Variants in SLC26A5 observed in about 807,000 individuals in gnomAD.
The protein encoded by SLC26A5 is prestin.
Under a neutral mutation model 81.0 loss-of-function variants are expected in SLC26A5, and 51 were observed. That is an observed-to-expected ratio of 0.63 (90% CI 0.50 to 0.80). The LOEUF (loss-of-function observed/expected upper bound fraction) is 0.80, where lower values mean the gene tolerates loss of function less well. SLC26A5 is among the 30% of genes least tolerant of loss of function. The probability of loss-of-function intolerance (pLI) is 0.00; values close to 1 mark genes in which losing one functional copy is unlikely to be tolerated. For missense variants in SLC26A5, 771 were observed against 905.8 expected (o/e 0.85, Z 1.91); for synonymous variants, 325 against 332.8 (o/e 0.98, Z 0.25).
chr7:103,432,600 T>G (rs1826160694), intron 2 of SLC26A5, among the ~76,000 whole-genome samples: 1 of 152,220 alleles, frequency 6.6e-6, no homozygotes, highest in Admixed American at 6.5e-5. Context: ...CCCTTTTGTT[T>G]TCAATTCTCT....
intron 14 of SLC26A5, among the ~76,000 whole-genome samples, chr7:103,381,636 G>T (rs902894648): frequency 1.4e-5 from 2 of 146,128 alleles, no homozygotes; most frequent in South Asian, 2.2e-4. Flanking sequence ...CCACACATGC[G>T]TACATACCAC....
At chr7:103,379,730 G>A (rs1821635071) in intron 15 of SLC26A5, among the ~76,000 whole-genome samples, 1 of 152,122 alleles carries the variant, frequency 6.6e-6, no homozygotes, top group Admixed American at 6.6e-5. Context: ...CAAATAAAGT[G>A]AACAGAAGTT....
At chr7:103,430,066 G>C (rs1046527356) in intron 2 of SLC26A5, among the ~76,000 whole-genome samples, 15 of 147,114 alleles carry the variant, frequency 1.0e-4, no homozygotes, top group African/African-American at 3.9e-4. Context: ...TTTGAAGGCT[G>C]GAAATGGCAC....
chr7:103,378,685 T>A lies in SLC26A5; in HGVS notation c.1678-132A>T. ...TATCACCCCAACCCTTGCACTGCCT[T>A]TCCCTCAGAGGCCCTGAACTGGTTA... On this transcript the variant is annotated intron_variant, in intron 16 of 19. Transcript: ENST00000306312. 3 of 797,858 alleles carry A rather than the reference T, an allele frequency of 3.8e-6. No homozygotes were observed. In the South Asian group the frequency reaches 4.2e-5, roughly 11 times the overall value. 49.4% of individuals were successfully genotyped at this position (797,858 alleles called of 1,614,324 possible).
At chr7:103,392,819 C>T (rs568984419) in intron 10 of SLC26A5, 100 bp downstream of exon 10, 26 of 1,450,868 alleles carry the variant, frequency 1.8e-5, no homozygotes, top group Admixed American at 6.8e-5. Context: ...CCTCATGATC[C>T]GCCTGCCTTG....
intron 2 of SLC26A5, among the ~76,000 whole-genome samples, chr7:103,426,890 T>C (rs1387748113): frequency 2.0e-5 from 3 of 152,076 alleles, no homozygotes; most frequent in Admixed American, 2.0e-4. Flanking sequence ...ATTGTAAAAG[T>C]ACACAAATCC....
chr7:103,395,017 G>T (rs1012302228), intron 9 of SLC26A5, among the ~76,000 whole-genome samples: 5 of 152,214 alleles, frequency 3.3e-5, no homozygotes, highest in African/African-American at 1.2e-4. Flanking sequence ...TGTCAGACAC[G>T]TGAGTGAAGC....
At chr7:103,441,601 C>T (rs1015077430) in intron 2 of SLC26A5, among the ~76,000 whole-genome samples, 4 of 152,134 alleles carry the variant, frequency 2.6e-5, no homozygotes, top group South Asian at 2.1e-4. Flanking sequence ...ATGCTTATCC[C>T]CTGCTGACAC....
intron 8 of SLC26A5, among the ~76,000 whole-genome samples, chr7:103,405,943 C>T (rs1824012817): frequency 6.6e-6 from 1 of 152,122 alleles, no homozygotes; most frequent in Admixed American, 6.5e-5. Flanking sequence ...TGGAATCCAC[C>T]CAGTTGGACC....
intron 2 of SLC26A5, among the ~76,000 whole-genome samples, chr7:103,439,944 C>T (rs976819066): frequency 5.9e-5 from 9 of 152,306 alleles, no homozygotes; most frequent in Non-Finnish European, 8.8e-5. Context: ...CACCACCTTC[C>T]GGTCTATGCT....
intron 8 of SLC26A5, among the ~76,000 whole-genome samples, chr7:103,403,502 T>G (rs1823771622): frequency 6.6e-6 from 1 of 152,102 alleles, no homozygotes; most frequent in Non-Finnish European, 1.5e-5. Context: ...TGTGTGGGAG[T>G]CTAAGTCTCT....
chr7:103,435,648 A>C (rs1826394675), intron 2 of SLC26A5, among the ~76,000 whole-genome samples: 1 of 152,232 alleles, frequency 6.6e-6, no homozygotes, highest in Admixed American at 6.5e-5. Flanking sequence ...CTACTTCACT[A>C]TAACTAGTCC....
intron 19 of SLC26A5, among the ~76,000 whole-genome samples, chr7:103,375,168 AT>A (rs1237087034): frequency 2.7e-5 from 4 of 149,502 alleles, no homozygotes; most frequent in African/African-American, 9.8e-5. Context: ...TGTTATATAT[AT>A]ATATAAACTA....
chr7:103,405,285 G>T (rs1823950835), intron 8 of SLC26A5, among the ~76,000 whole-genome samples: 1 of 152,092 alleles, frequency 6.6e-6, no homozygotes, highest in Admixed American at 6.6e-5. Context: ...GGAATTTTCA[G>T]CTTTTTGCAT....
rs6975698 is a variant in SLC26A5, at chr7:103,436,349, C to T, written c.-54+6734G>A. 7.2e-3 allele frequency among the ~76,000 whole-genome samples: 1,099 copies of T among 152,114 alleles called. 11 individuals are homozygous for T. Among genetic ancestry groups the T allele is most frequent in the African/African-American group, 0.025 (1,053 of 41,490 alleles). On this transcript the variant is annotated intron_variant, in intron 2 of 19. Transcript: ENST00000306312. ...CAGCATTAAGTGAAAGGGGAATAGG[C>T]GAGTTTCTGGACTGATTTAACAAAA...
At chr7:103,415,191 T>C (rs1190249303) in intron 4 of SLC26A5, among the ~76,000 whole-genome samples, 2 of 152,190 alleles carry the variant, frequency 1.3e-5, no homozygotes, top group East Asian at 3.8e-4. Context: ...ACTTCATGTA[T>C]AATAACATGG....
At chr7:103,375,541 A>G (rs1198342471) in intron 19 of SLC26A5, among the ~76,000 whole-genome samples, 1 of 152,186 alleles carries the variant, frequency 6.6e-6, no homozygotes, top group Non-Finnish European at 1.5e-5. Context: ...GCAATCTTAC[A>G]GGTGAAAAGT....
chr7:103,429,040 A>G (rs1054931052), intron 2 of SLC26A5, among the ~76,000 whole-genome samples: 60 of 152,084 alleles, frequency 3.9e-4, no homozygotes, highest in Middle Eastern at 3.2e-3. Flanking sequence ...CTCTGCTTCT[A>G]TGTTTCCTTA....
chr7:103,412,973 G>C, intron 5 of SLC26A5, 29 bp downstream of exon 5: 1 of 1,428,930 alleles, frequency 7.0e-7, no homozygotes, highest in Non-Finnish European at 9.9e-7. Flanking sequence ...ACAAGGAAAG[G>C]TAATAGAATA....
Sources: allele counts gnomAD v4.1 joint callset (sites outside exome capture counted in the v4.1 genomes callset), GRCh38; gene constraint gnomAD v4.1.1; transcripts MANE v1.5; gene names NCBI Gene and HGNC (gene_info 2026-07-23, HGNC 2026-07-21).